PSKH1: variants seen among roughly 807,000 people sequenced by gnomAD.
The protein encoded by PSKH1 is protein serine kinase H1.
A neutral mutation model predicts 26.7 loss-of-function variants in PSKH1; 12 were observed. The ratio of observed to expected loss-of-function variants is 0.45; its 90% CI spans 0.29 to 0.73. The LOEUF (loss-of-function observed/expected upper bound fraction) is 0.73. PSKH1 is among the 30% of genes least tolerant of loss of function. The pLI is 0.11. For missense variants in PSKH1, 431 were observed against 595.2 expected (o/e 0.72, Z 2.87); for synonymous variants, 213 against 234.3 (o/e 0.91, Z 0.83).
At chr16:67,903,976 A>T (rs756690828) in intron 1 of PSKH1, among the ~76,000 whole-genome samples, 1 of 150,396 alleles carries the variant, frequency 6.6e-6, no homozygotes, top group Non-Finnish European at 1.5e-5. Flanking sequence ...TGGCCTCCAA[A>T]GTAACTGGGA....
chr16:67,910,342 C>T (rs1416404388), intron 2 of PSKH1, among the ~76,000 whole-genome samples: 1 of 152,204 alleles, frequency 6.6e-6, no homozygotes, highest in Non-Finnish European at 1.5e-5. Flanking sequence ...GCAGGGCCTT[C>T]CCAGCATCTG....
chr16:67,914,876 C>T (rs978349774), intron 2 of PSKH1, among the ~76,000 whole-genome samples: 4 of 152,132 alleles, frequency 2.6e-5, no homozygotes, highest in Non-Finnish European at 5.9e-5. Context: ...TTGAACTTAG[C>T]CCAGGAGTGA....
chr16:67,923,000 G>A (rs1354399201), intron 2 of PSKH1, among the ~76,000 whole-genome samples: 6 of 152,232 alleles, frequency 3.9e-5, no homozygotes, highest in Non-Finnish European at 2.9e-5. Context: ...GCTGGCAGTG[G>A]CTTGGGTAGT....
At chr16:67,916,049 G>T (rs951047480) in intron 2 of PSKH1, among the ~76,000 whole-genome samples, 2 of 152,218 alleles carry the variant, frequency 1.3e-5, no homozygotes, top group African/African-American at 4.8e-5. Context: ...ATGGACTATG[G>T]TGCTCAGGTC....
At chr16:67,920,416 C>G (rs1567401551) in intron 2 of PSKH1, among the ~76,000 whole-genome samples, 1 of 152,102 alleles carries the variant, frequency 6.6e-6, no homozygotes, top group Non-Finnish European at 1.5e-5. Context: ...TGTGGGCCAC[C>G]ACACCGGGCT....
chr16:67,899,370 C>T (rs1290324256), intron 1 of PSKH1, among the ~76,000 whole-genome samples: 1 of 142,754 alleles, frequency 7.0e-6, no homozygotes, highest in East Asian at 2.0e-4. Context: ...GAGTCTCGCT[C>T]TATGGCCCAG....
In PSKH1 at chr16:67,909,715, G is replaced by C. The variant is rs766114623; in HGVS notation, c.957+9G>C. 6.2e-7 allele frequency: 1 copy of C among 1,605,756 alleles called. No individual in the cohort carries two copies. The highest frequency in any genetic ancestry group is 1.1e-5 in the South Asian group (1 of 90,704). On this transcript the variant is annotated intron_variant, in intron 2 of 2. Transcript: ENST00000291041. The surrounding 1 kb of genome is among the most constrained non-coding windows in gnomAD (Gnocchi z 7.8). ...ACAGTTACTCTGGGGAGGTGAGTCT[G>C]TCCTGCCCCTGTCCTGGATGTTGGG...
intron 2 of PSKH1, among the ~76,000 whole-genome samples, chr16:67,916,876 C>A (rs921312380): frequency 3.3e-5 from 5 of 152,044 alleles, no homozygotes; most frequent in Non-Finnish European, 7.4e-5. Context: ...TACCCTCTGA[C>A]CTGGAGAGCA....
intron 1 of PSKH1, among the ~76,000 whole-genome samples, chr16:67,893,636 G>T (rs1459774895): frequency 6.6e-6 from 1 of 152,266 alleles, no homozygotes; most frequent in African/African-American, 2.4e-5. Context: ...GGTGGACGTG[G>T]TCGGTTGCCC....
At chr16:67,894,547 A>G (rs1257907899) in intron 1 of PSKH1, among the ~76,000 whole-genome samples, 1 of 152,088 alleles carries the variant, frequency 6.6e-6, no homozygotes, top group Non-Finnish European at 1.5e-5. Flanking sequence ...GTCCTATAAA[A>G]TCCACCTGAG....
intron 2 of PSKH1, among the ~76,000 whole-genome samples, chr16:67,922,442 C>T (rs1218819319): frequency 6.6e-6 from 1 of 152,224 alleles, no homozygotes; most frequent in African/African-American, 2.4e-5. Flanking sequence ...AAAGCCCAGG[C>T]TTCTTCCTCC....
rs376293494 is a variant in PSKH1, at chr16:67,927,569, A to T, written c.1202A>T (p.Asn401Ile). Residue 401 changes from asparagine (N) to isoleucine (I), a missense_variant, in exon 3 of 3, where the codon AAT (asparagine) becomes ATT (isoleucine). Asn to Ile is a moderately radical substitution (Grantham distance 149, BLOSUM62 -3). Transcript: ENST00000291041. This position sits in a 1 kb window ranked among gnomAD's most constrained non-coding sequence, Gnocchi z 5.5. ...CGTTCCAGCCGCTCCACACGCTCCA[A>T]TAAGTCACGCCGTGTGCGGGAACGG... ...STRSSRSTRSNKSRRVREREL... is the reference protein window; with the variant it reads ...STRSSRSTRSIKSRRVREREL... The T allele has an allele frequency of 1.2e-6, 2 of 1,613,692 alleles. No individual in the cohort carries two copies. Among genetic ancestry groups the T allele is most frequent in the Non-Finnish European group, 1.7e-6 (2 of 1,180,046 alleles).
At position 67,909,723 on chromosome 16, in the gene PSKH1, C is replaced by T. The variant is rs1567399484; in HGVS notation, c.957+17C>T. 5.6e-6 allele frequency: 9 copies of T among 1,602,050 alleles called. No homozygotes were observed. Among genetic ancestry groups the T allele is most frequent in the South Asian group, 3.3e-5 (3 of 90,486 alleles). ...TCTGGGGAGGTGAGTCTGTCCTGCC[C>T]CTGTCCTGGATGTTGGGGAGGCACC... On this transcript the variant is annotated intron_variant, in intron 2 of 2. Coordinates refer to ENST00000291041, the MANE Select transcript of PSKH1 (RefSeq NM_006742.3). The surrounding 1 kb of genome is among the most constrained non-coding windows in gnomAD (Gnocchi z 7.8).
rs757902103 is a variant in PSKH1 at position 67,909,775 on chromosome 16, CTCAG to C, written c.957+74_957+77del. 14 of 1,423,424 alleles carry C rather than the reference CTCAG, an allele frequency of 9.8e-6. No individual in the cohort carries two copies. The highest frequency in any genetic ancestry group is 1.4e-5 in the African/African-American group (1 of 71,214). 88.2% of individuals were successfully genotyped at this position (1,423,424 alleles called of 1,614,324 possible). The stretch of plus-strand genomic sequence containing the variant: ...GCGGGGGCAGGTATATCCTGCAGCT[CTCAG>C]TCAGAGGTATGTCCTCAGGGCCATG... On this transcript the variant is annotated intron_variant, in intron 2 of 2. Transcript: ENST00000291041. The surrounding 1 kb of genome is among the most constrained non-coding windows in gnomAD (Gnocchi z 7.8).
chr16:67,927,146 C>T lies in PSKH1; in HGVS notation c.958-179C>T, dbSNP rs1049195657. Among the ~76,000 whole-genome samples the T allele has an allele frequency of 6.6e-6, 1 of 152,188 alleles. No individual in the cohort carries two copies. The highest frequency in any genetic ancestry group is 2.4e-5 in the African/African-American group (1 of 41,450). On this transcript the variant is annotated intron_variant, in intron 2 of 2. Transcript: ENST00000291041. The surrounding 1 kb of genome is among the most constrained non-coding windows in gnomAD (Gnocchi z 5.5). The stretch of plus-strand genomic sequence containing the variant: ...TTTCCTTCCTTGCCAGACTCCATCA[C>T]CTGGAGAGCAGCCCTTGTTCAGCCT...
At position 67,928,832 on chromosome 16, in the gene PSKH1, TCTG is replaced by T. The variant is rs1756789043; in HGVS notation, c.*1194_*1196del. On this transcript the variant is annotated 3_prime_UTR_variant, in exon 3 of 3. Transcript: ENST00000291041. This position sits in a 1 kb window ranked among gnomAD's most constrained non-coding sequence, Gnocchi z 4.8. Reference sequence around the variant, plus strand: ...GTCCCGGGCTGCTCACCTCTCCCCTTCTGCTGAGCTTCTGCGCACCCCTCCCTG... The same window carrying T: ...GTCCCGGGCTGCTCACCTCTCCCCTTCTGAGCTTCTGCGCACCCCTCCCTG... 6.6e-6 allele frequency: 1 copy of T among 152,396 alleles called. No homozygotes were observed. 9.4% of individuals were successfully genotyped at this position (152,396 alleles called of 1,614,324 possible).
At chr16:67,925,354 C>T (rs936289817) in intron 2 of PSKH1, among the ~76,000 whole-genome samples, 4 of 151,838 alleles carry the variant, frequency 2.6e-5, no homozygotes, top group Admixed American at 6.6e-5. Flanking sequence ...CCACCACGCC[C>T]GACTAATTTT....
chr16:67,910,882 T>C (rs1719923199), intron 2 of PSKH1, among the ~76,000 whole-genome samples: 1 of 152,252 alleles, frequency 6.6e-6, no homozygotes, highest in African/African-American at 2.4e-5. Context: ...AACACTAACC[T>C]GCAGGTCACA....
intron 1 of PSKH1, chr16:67,902,898 C>T (rs531319865): frequency 1.3e-5 from 2 of 152,216 alleles, no homozygotes; most frequent in African/African-American, 4.8e-5. Context: ...TTCAGTCCTT[C>T]ACTGCATGAG....
Sources: gnomAD v4.1 joint callset for allele counts (sites outside exome capture counted in the v4.1 genomes callset) on GRCh38, gnomAD v4.1.1 for gene constraint, Gnocchi (gnomAD v3.1) non-coding constraint, MANE v1.5 for transcripts, NCBI Gene and HGNC (gene_info 2026-07-23, HGNC 2026-07-21) for gene names.